MMP2: variants seen among roughly 807,000 people sequenced by gnomAD.
MMP2 encodes the protein 72 kDa type IV collagenase.
Under a neutral mutation model 74.8 loss-of-function variants are expected in MMP2, and 39 were observed. The ratio of observed to expected loss-of-function variants is 0.52; its 90% confidence interval spans 0.40 to 0.68. MMP2 has a LOEUF of 0.68. Ranked by LOEUF, MMP2 falls within the 30% of genes least tolerant of loss-of-function variation. MMP2 has a pLI of 0.00. For synonymous variants in MMP2, 367 were observed against 339.8 expected (o/e 1.08, Z -0.88); for missense variants, 803 against 878.3 (o/e 0.91, Z 1.08).
rs17859868 is a variant in MMP2, at chr16:55,483,740, T to C, written c.381-276T>C. Among the ~76,000 whole-genome samples, 253 of 152,296 alleles carry C rather than the reference T, an allele frequency of 1.7e-3. 3 individuals are homozygous for C. The highest frequency in any genetic ancestry group is 5.8e-3 in the African/African-American group (241 of 41,562). ...ACTCCTGAGCTGGGGCCTAAAAATG[T>C]TGGCTGGCCTGGGACTCCCTGGGTC... is the stretch of plus-strand genomic sequence containing the variant. On this transcript the variant is annotated intron_variant, in intron 2 of 12. Coordinates refer to ENST00000219070, the MANE Select transcript of MMP2 (RefSeq NM_004530.6).
intron 11 of MMP2, 32 bp from the exon 12 acceptor site, chr16:55,502,747 C>G (rs192007978): frequency 6.3e-7 from 1 of 1,586,012 alleles, no homozygotes; most frequent in South Asian, 1.1e-5. Context: ...TTAGAGAGGC[C>G]CTGCTGGTTC....
chr16:55,495,490 T>C (rs2142364024), intron 9 of MMP2, among the ~76,000 whole-genome samples: 1 of 152,344 alleles, frequency 6.6e-6, no homozygotes, highest in East Asian at 1.9e-4. Context: ...TGAAGGACAG[T>C]ATTGCAGGGT....
At chr16:55,493,770 A>G (rs183112) in intron 9 of MMP2, among the ~76,000 whole-genome samples, 120,416 of 152,198 alleles carry the variant, frequency 0.79, 48,195 homozygotes, top group South Asian at 0.89. Context: ...TCCTAAAATC[A>G]AAATGGAGGG....
At chr16:55,505,286 T>C in intron 12 of MMP2, 53 bp from the exon 13 acceptor site, 1 of 1,456,878 alleles carries the variant, frequency 6.9e-7, no homozygotes, top group Non-Finnish European at 9.6e-7. Flanking sequence ...GAACCTTCTG[T>C]GTGCCAGAAT....
chr16:55,496,089 C>A (rs565909082), intron 9 of MMP2, among the ~76,000 whole-genome samples: 1 of 152,294 alleles, frequency 6.6e-6, no homozygotes, highest in African/African-American at 2.4e-5. Flanking sequence ...CCTTGGCATG[C>A]GTTAGAATCA....
rs760429944 is a variant in MMP2 at position 55,505,427 on chromosome 16, C to T, written c.1968C>T (p.Asp656=). The change falls in exon 13 of 13, where the codon GAC becomes GAT. Residue 656 remains aspartate, a synonymous_variant. Transcript: ENST00000219070. ...TGAAGTTTGGAAGCATCAAATCCGA[C>T]TGGCTAGGCTGCTGAGCTGGCCCTG... ...KSVKFGSIKS[D]WLGC is the part of the protein sequence containing the mutation. 18 of 1,614,070 alleles carry T rather than the reference C, an allele frequency of 1.1e-5. No homozygotes were observed. Among genetic ancestry groups the T allele is most frequent in the Non-Finnish European group, 1.4e-5 (17 of 1,179,972 alleles).
Position 55,505,334 on chromosome 16 carries a change from C to T in MMP2, c.1880-5C>T, listed in dbSNP as rs1486857592. 2 of 1,611,966 alleles carry T rather than the reference C, an allele frequency of 1.2e-6. No homozygotes were observed. Among genetic ancestry groups the T allele is most frequent in the East Asian group, 2.2e-5 (1 of 44,870 alleles). On this transcript the variant is annotated splice_polypyrimidine_tract_variant and splice_region_variant and intron_variant, in intron 12 of 12. Coordinates refer to ENST00000219070, the MANE Select transcript of MMP2 (RefSeq NM_004530.6). The stretch of plus-strand genomic sequence containing the variant: ...GGGTCACGGTCTCTTCTTTCTCTAT[C>T]CCAGGTCACAGCTACTTCTTCAAGG...
Position 55,502,789 on chromosome 16 carries a change from G to A in MMP2, c.1780G>A (p.Val594Met), listed in dbSNP as rs1567383052. 6 of 1,613,614 alleles carry A rather than the reference G, an allele frequency of 3.7e-6. No individual in the cohort carries two copies. Among genetic ancestry groups the A allele is most frequent in the Non-Finnish European group, 5.1e-6 (6 of 1,179,714 alleles). ...AGDKFWRYNE[V>M]KKKMDPGFPK... ...TCTGTTTCTTTACAGATACAATGAGGTGAAGAAGAAAATGGATCCTGGCTT... is the reference window on the plus strand; with the variant it reads ...TCTGTTTCTTTACAGATACAATGAGATGAAGAAGAAAATGGATCCTGGCTT... Residue 594 changes from valine (V) to methionine (M), a missense_variant, in exon 12 of 13, where the codon GTG becomes ATG. Transcript: ENST00000219070.
intron 9 of MMP2, among the ~76,000 whole-genome samples, chr16:55,495,579 T>C (rs1359563278): frequency 6.6e-6 from 1 of 152,224 alleles, no homozygotes; most frequent in Non-Finnish European, 1.5e-5. Flanking sequence ...GATGTAGTGA[T>C]AACTAAGTAA....
chr16:55,505,832 C>T lies in MMP2; in HGVS notation c.*390C>T. The T allele has an allele frequency of 3.3e-6, 1 of 300,882 alleles. No homozygotes were observed. Among genetic ancestry groups the T allele is most frequent in the South Asian group, 3.7e-5 (1 of 27,380 alleles). 18.6% of individuals were successfully genotyped at this position (300,882 alleles called of 1,614,324 possible). On this transcript the variant is annotated 3_prime_UTR_variant, in exon 13 of 13. Coordinates refer to ENST00000219070, the MANE Select transcript of MMP2 (RefSeq NM_004530.6). ...CAATGGAGACTGTCTCAAGAGGGCA[C>T]TGGTGGCCCGACAGCCTGGCACAGG...
At chr16:55,478,930 G>A (rs1301297143), upstream of MMP2, 3 of 152,536 alleles carry the variant, frequency 2.0e-5, no homozygotes, top group African/African-American at 7.2e-5. Flanking sequence ...TTCCCAGCAG[G>A]GGGTTCTGAG....
At chr16:55,485,469 G>A (rs765107242) in intron 4 of MMP2, 42 bp downstream of exon 4, 3 of 1,613,944 alleles carry the variant, frequency 1.9e-6, no homozygotes, top group Admixed American at 1.7e-5. Flanking sequence ...CTTCTCTCCT[G>A]TCCTCTCTCC....
Position 55,488,639 on chromosome 16 carries a change from G to A in MMP2, c.929G>A (p.Arg310His), listed in dbSNP as rs747149602. The A allele has an allele frequency of 8.1e-6, 13 of 1,613,426 alleles. No individual in the cohort carries two copies. The South Asian group carries it at 9.9e-5, about 12-fold the overall frequency. The change falls in exon 6 of 13, where the codon CGC becomes CAC. Residue 310 changes from arginine to histidine, a missense_variant. Around this residue, in one of 3 missense-constraint regions of MMP2, gnomAD observed 555 missense variants for 592.0 expected, o/e 0.94. Transcript: ENST00000219070. ...TSYDSCTTEG[R>H]TDGYRWCGTT... ...TATGACAGCTGCACCACTGAGGGCC[G>A]CACGGATGGCTACCGCTGGTGCGGC...
At chr16:55,486,602 A>G (rs1224290067) in intron 5 of MMP2, 1 of 152,152 alleles carries the variant, frequency 6.6e-6, no homozygotes, top group Non-Finnish European at 1.5e-5. Flanking sequence ...AGATATTGAC[A>G]TACACACTCA....
intron 11 of MMP2, among the ~76,000 whole-genome samples, chr16:55,501,449 G>A (rs1366892265): frequency 1.3e-5 from 2 of 152,222 alleles, no homozygotes; most frequent in Non-Finnish European, 2.9e-5. Context: ...TTCAAGTGTG[G>A]GACACACATC....
intron 5 of MMP2, chr16:55,487,500 C>G (rs370507734): frequency 6.6e-6 from 1 of 152,246 alleles, no homozygotes; most frequent in African/African-American, 2.4e-5. Flanking sequence ...AGGACAAGGT[C>G]TTTTGGTAGA....
intron 9 of MMP2, among the ~76,000 whole-genome samples, chr16:55,495,780 G>A (rs1962516107): frequency 1.3e-5 from 2 of 152,160 alleles, no homozygotes; most frequent in South Asian, 4.2e-4. Flanking sequence ...CAGAGAGAGG[G>A]TCAGTGACTT....
chr16:55,491,823 A>C lies in MMP2; in HGVS notation c.1203A>C (p.Ala401=), dbSNP rs1962412321. Reference sequence around the variant, plus strand: ...CAGGGTACAGCCTGTTCCTCGTGGCAGCCCACGAGTTTGGCCACGCCATGG... The same window carrying C: ...CAGGGTACAGCCTGTTCCTCGTGGCCGCCCACGAGTTTGGCCACGCCATGG... ...PDQGYSLFLV[A]AHEFGHAMGL... is the part of the protein sequence containing the mutation. Residue 401 remains alanine (A), a synonymous_variant, in exon 8 of 13, where the codon GCA becomes GCC. Coordinates refer to ENST00000219070, the MANE Select transcript of MMP2 (RefSeq NM_004530.6). 6.2e-7 allele frequency: 1 copy of C among 1,614,184 alleles called. No homozygotes were observed. Among genetic ancestry groups the C allele is most frequent in the East Asian group, 2.2e-5 (1 of 44,862 alleles).
In MMP2 at chr16:55,485,704, C is replaced by A. The variant is rs148801200; in HGVS notation, c.759C>A (p.Ser253Arg). ...EYNSCTDTGR[S>R]DGFLWCSTTY... ...ACAGCTGCACTGATACCGGCCGCAG[C>A]GATGGCTTCCTCTGGTGCTCCACCA... is the stretch of plus-strand genomic sequence containing the variant. Residue 253 changes from serine to arginine, a missense_variant, in exon 5 of 13, where the codon AGC (serine) becomes AGA (arginine). By Grantham distance (110) the Ser-to-Arg change is moderately radical. Around this residue, in one of 3 missense-constraint regions of MMP2, gnomAD observed 555 missense variants for 592.0 expected, o/e 0.94. Transcript: ENST00000219070. The A allele has an allele frequency of 5.0e-6, 8 of 1,614,040 alleles. No homozygotes were observed. Among genetic ancestry groups the A allele is most frequent in the Admixed American group, 3.3e-5 (2 of 60,014 alleles).
Sources: allele counts gnomAD v4.1 joint callset (sites outside exome capture counted in the v4.1 genomes callset), GRCh38; gene constraint gnomAD v4.1.1; regional missense constraint gnomAD v4.1.1; transcripts MANE v1.5; gene names NCBI Gene and HGNC (gene_info 2026-07-23, HGNC 2026-07-21).